Variants in ARFGEF2 observed in about 807,000 individuals in gnomAD.
The protein encoded by ARFGEF2 is ARF guanine nucleotide exchange factor 2.
ARFGEF2 carries 74 observed loss-of-function variants against 219.9 expected under a neutral mutation model. That is an observed-to-expected ratio of 0.34 (90% CI 0.28 to 0.41). ARFGEF2 has a LOEUF of 0.41. ARFGEF2 is among the 10% of genes least tolerant of loss of function. The pLI, the probability that ARFGEF2 is intolerant of heterozygous loss-of-function variation, is 1.00. For missense variants in ARFGEF2, 1,743 were observed against 2,218.3 expected (o/e 0.79, Z 4.30); for synonymous variants, 733 against 799.2 (o/e 0.92, Z 1.40).
At chr20:48,972,596 G>A (rs1019428301) in intron 11 of ARFGEF2, among the ~76,000 whole-genome samples, 171 bp downstream of exon 11, 1 of 152,136 alleles carries the variant, frequency 6.6e-6, no homozygotes, top group African/African-American at 2.4e-5. Context: ...GACCAACTTA[G>A]GCTGGTTTGC....
intron 1 of ARFGEF2, among the ~76,000 whole-genome samples, chr20:48,938,426 A>C (rs572971882): frequency 1.8e-4 from 27 of 152,176 alleles, no homozygotes; most frequent in Non-Finnish European, 3.1e-4. Context: ...TTAAGCCATA[A>C]TATTTTTTAA....
At chr20:49,020,742 A>G (rs1222706400) in intron 34 of ARFGEF2, among the ~76,000 whole-genome samples, 2 of 152,288 alleles carry the variant, frequency 1.3e-5, no homozygotes, top group East Asian at 3.9e-4. Flanking sequence ...CACCATGCCC[A>G]GGCTCTTTTT....
At chr20:48,999,764 A>AAC (rs1568730199) in intron 25 of ARFGEF2, among the ~76,000 whole-genome samples, 2 of 150,138 alleles carry the variant, frequency 1.3e-5, no homozygotes, top group Admixed American at 6.6e-5. Context: ...AAAAAAAAAA[A>AAC]AAAAGAAATG....
At position 49,023,066 on chromosome 20, in the gene ARFGEF2, C is replaced by T. The variant is rs1263401370; in HGVS notation, c.4640C>T (p.Ala1547Val). The T allele has an allele frequency of 6.2e-7, 1 of 1,614,160 alleles. No individual in the cohort carries two copies. The highest frequency in any genetic ancestry group is 1.1e-5 in the South Asian group (1 of 91,088). ...TCTAACATAGATCAGAAACTGTTTG[C>T]CAGCCTCCTCATCAAGTGTGTGGTC... is the stretch of plus-strand genomic sequence containing the variant. ...GRPYANQKLFASLLIKCVVQL... is the reference protein window; with the variant it reads ...GRPYANQKLFVSLLIKCVVQL... Residue 1547 changes from alanine to valine, a missense_variant, in exon 35 of 39, where the codon GCC becomes GTC. Around this residue, in one of 5 missense-constraint regions of ARFGEF2, gnomAD observed 578 missense variants for 664.0 expected, o/e 0.87. Transcript: ENST00000371917.
At position 48,984,869 on chromosome 20, in the gene ARFGEF2, G is replaced by A. The variant is rs756161061; in HGVS notation, c.2070+29G>A. On this transcript the variant is annotated intron_variant, in intron 15 of 38. Coordinates refer to ENST00000371917, the MANE Select transcript of ARFGEF2 (RefSeq NM_006420.3). ...AGGCTTGGGGGTGTAGCACTTGCAT[G>A]TGAGTTCTGTCAGGTGATTGTGAGC... is the stretch of plus-strand genomic sequence containing the variant. 9 of 1,612,138 alleles carry A rather than the reference G, an allele frequency of 5.6e-6. No homozygotes were observed. The South Asian group carries it at 9.9e-5, about 18-fold the overall frequency.
chr20:48,991,321 C>G (rs780174756), intron 21 of ARFGEF2, 123 bp downstream of exon 21: 55 of 1,369,468 alleles, frequency 4.0e-5, no homozygotes, highest in Non-Finnish European at 5.4e-5. Context: ...CCTCATGTAT[C>G]TGGAAGTCAC....
intron 1 of ARFGEF2, among the ~76,000 whole-genome samples, chr20:48,922,939 A>G (rs1350820562): frequency 6.6e-6 from 1 of 152,232 alleles, no homozygotes; most frequent in Non-Finnish European, 1.5e-5. Flanking sequence ...TAGGTGAGGT[A>G]TTTTGGAATA....
At chr20:49,018,781 C>T in intron 33 of ARFGEF2, 103 bp from the exon 34 acceptor site, 1 of 842,328 alleles carries the variant, frequency 1.2e-6, no homozygotes, top group South Asian at 1.4e-5. Context: ...CTAAGCAAGG[C>T]ACTTAAATAC....
intron 6 of ARFGEF2, among the ~76,000 whole-genome samples, chr20:48,956,093 C>G (rs2091103977): frequency 6.6e-6 from 1 of 152,196 alleles, no homozygotes; most frequent in Non-Finnish European, 1.5e-5. Context: ...GTCCAGGCAT[C>G]AAGGCCCAGT....
chr20:48,984,887 T>C, intron 15 of ARFGEF2, 47 bp downstream of exon 15: 1 of 1,611,748 alleles, frequency 6.2e-7, no homozygotes, highest in Non-Finnish European at 8.5e-7. Flanking sequence ...TGTCAGGTGA[T>C]TGTGAGCCCT....
At chr20:48,961,932 A>C (rs889889478) in intron 6 of ARFGEF2, among the ~76,000 whole-genome samples, 1 of 151,908 alleles carries the variant, frequency 6.6e-6, no homozygotes, top group African/African-American at 2.4e-5. Context: ...TCATCCCAGC[A>C]CTTTGGGAGG....
chr20:49,014,524 T>C (rs1238733234), intron 30 of ARFGEF2, among the ~76,000 whole-genome samples: 2 of 152,174 alleles, frequency 1.3e-5, no homozygotes, highest in African/African-American at 4.8e-5. Context: ...AAAAGTGACA[T>C]ATGCTTAATA....
intron 6 of ARFGEF2, among the ~76,000 whole-genome samples, chr20:48,962,109 GGCGGAGGCTGTAGTGA>G: frequency 6.6e-6 from 1 of 152,328 alleles, no homozygotes; most frequent in East Asian, 1.9e-4. Context: ...GAACCTGGGA[GGCGGAGGCTGTAGTGA>G]GCTGGGATTG....
intron 27 of ARFGEF2, 63 bp downstream of exon 27, chr20:49,010,467 CT>C (rs1463700639): frequency 6.3e-7 from 1 of 1,591,466 alleles, no homozygotes; most frequent in East Asian, 2.2e-5. Context: ...GTGTCACTTG[CT>C]GTCTATTTTA....
rs991215436 is a variant in ARFGEF2, at chr20:48,968,171, T to G, written c.1060-976T>G. Among the ~76,000 whole-genome samples, 13 of 151,914 alleles carry G rather than the reference T, an allele frequency of 8.6e-5. 1 individual carries two copies. The highest frequency in any genetic ancestry group is 1.6e-4 in the Non-Finnish European group (11 of 67,978). ...ACCACGCCTGGCTAATTTTTTGTATTTTTAGTAGAGACGGGGTTTCACCGT... is the reference window on the plus strand; with the variant it reads ...ACCACGCCTGGCTAATTTTTTGTATGTTTAGTAGAGACGGGGTTTCACCGT... On this transcript the variant is annotated intron_variant, in intron 8 of 38. Transcript: ENST00000371917.
chr20:48,950,308 A>T (rs1478012950), intron 3 of ARFGEF2, among the ~76,000 whole-genome samples: 1 of 152,144 alleles, frequency 6.6e-6, no homozygotes, highest in East Asian at 1.9e-4. Flanking sequence ...CAACGTTGAA[A>T]AAAATGAAAA....
At chr20:48,926,477 A>G (rs943834728) in intron 1 of ARFGEF2, among the ~76,000 whole-genome samples, 7 of 151,442 alleles carry the variant, frequency 4.6e-5, no homozygotes, top group Non-Finnish European at 1.0e-4. Flanking sequence ...TTTTTGAGAC[A>G]GGATCTTGCT....
intron 6 of ARFGEF2, among the ~76,000 whole-genome samples, chr20:48,958,472 T>A (rs2091118660): frequency 6.6e-6 from 1 of 151,654 alleles, no homozygotes; most frequent in East Asian, 1.9e-4. Flanking sequence ...AGTCTCGCTC[T>A]GTCGCCCAGG....
chr20:48,924,871 G>T (rs1310040099), intron 1 of ARFGEF2, among the ~76,000 whole-genome samples: 2 of 152,180 alleles, frequency 1.3e-5, no homozygotes, highest in Non-Finnish European at 2.9e-5. Context: ...TTATTGTAAA[G>T]ATTAAGTTAA....
Sources: allele counts gnomAD v4.1 joint callset (sites outside exome capture counted in the v4.1 genomes callset), GRCh38; gene constraint gnomAD v4.1.1; regional missense constraint gnomAD v4.1.1; transcripts MANE v1.5; gene names NCBI Gene and HGNC (gene_info 2026-07-23, HGNC 2026-07-21).